DCP2: variants seen among roughly 807,000 people sequenced by gnomAD.
DCP2 encodes the protein decapping mRNA 2.
Under a neutral mutation model 56.1 loss-of-function variants are expected in DCP2, and 30 were observed. The observed-to-expected ratio is 0.53, with a 90% CI of 0.40 to 0.73. The LOEUF is 0.73. Among genes scored for constraint, DCP2 ranks in the 30% least tolerant of loss-of-function variants. The pLI is 0.00. For missense variants in DCP2, 533 were observed against 502.7 expected (o/e 1.06, Z -0.58); for synonymous variants, 197 against 163.3 (o/e 1.21, Z -1.57).
chr5:112,984,116 T>C (rs1580794400), intron 1 of DCP2: 1 of 152,304 alleles, frequency 6.6e-6, no homozygotes, highest in East Asian at 1.9e-4. Context: ...TTGACAGATG[T>C]GTACCAGGTG....
At chr5:113,002,627 C>T (rs183354976) in intron 7 of DCP2, among the ~76,000 whole-genome samples, 21 of 152,134 alleles carry the variant, frequency 1.4e-4, no homozygotes, top group African/African-American at 4.8e-4. Context: ...CTCAAGTAAT[C>T]ATCCCACTTA....
At chr5:112,980,119 G>A (rs1052807771) in intron 1 of DCP2, among the ~76,000 whole-genome samples, 2 of 152,180 alleles carry the variant, frequency 1.3e-5, no homozygotes, top group African/African-American at 4.8e-5. Flanking sequence ...GATGAACCAT[G>A]ATTTTTGATA....
At chr5:112,998,920 A>G (rs1425252325) in intron 4 of DCP2, among the ~76,000 whole-genome samples, 1 of 152,234 alleles carries the variant, frequency 6.6e-6, no homozygotes, top group Non-Finnish European at 1.5e-5. Flanking sequence ...TTTGTTATCT[A>G]ATGGACAGTT....
In DCP2 at chr5:113,016,068, G is replaced by A. The variant is rs1749872910; in HGVS notation, c.*2584G>A. The stretch of plus-strand genomic sequence containing the variant: ...AACCTTATATGTTCCAAGGTGCAGT[G>A]CACTGTGAATCTTTTATTTTTAAAA... On this transcript the variant is annotated 3_prime_UTR_variant, in exon 11 of 11. Coordinates refer to ENST00000389063, the MANE Select transcript of DCP2 (RefSeq NM_152624.6). The A allele has an allele frequency of 1.3e-5, 2 of 152,578 alleles. No individual in the cohort carries two copies. The highest frequency in any genetic ancestry group is 1.3e-4 in the Admixed American group (2 of 15,278). 9.5% of individuals were successfully genotyped at this position (152,578 alleles called of 1,614,324 possible). A position where few individuals can be genotyped will look rare whatever the true frequency, so the allele number is the denominator to read the frequency against.
At position 113,021,522 on chromosome 5, in the gene DCP2, A is replaced by G. The variant is rs778627488; in HGVS notation, c.*8038A>G. Among the ~76,000 whole-genome samples the G allele has an allele frequency of 6.6e-6, 1 of 152,178 alleles. No homozygotes were observed. The highest frequency in any genetic ancestry group is 2.1e-4 in the South Asian group (1 of 4,830). On this transcript the variant is annotated 3_prime_UTR_variant, in exon 11 of 11. Transcript: ENST00000389063. ...GGCTTGAGATGTGAATTCATTAGAT[A>G]TTTAAAATCCAGCAATTCTTAAGTT... is the stretch of plus-strand genomic sequence containing the variant.
In DCP2 at chr5:112,976,990, C is replaced by G. The variant is rs760837547; in HGVS notation, c.53+4C>G. On this transcript the variant is annotated splice_donor_region_variant and intron_variant, in intron 1 of 10. Coordinates refer to ENST00000389063, the MANE Select transcript of DCP2 (RefSeq NM_152624.6). ...GCGTCCTGGACGATCTCTGCAGGTA[C>G]CGCGCTACCCGACCCCCTTTCGCCC... is the stretch of plus-strand genomic sequence containing the variant. 6.5e-7 allele frequency: 1 copy of G among 1,544,946 alleles called. No individual in the cohort carries two copies. The highest frequency in any genetic ancestry group is 8.8e-7 in the Non-Finnish European group (1 of 1,136,916).
chr5:112,980,606 A>T (rs1471291536), intron 1 of DCP2, among the ~76,000 whole-genome samples: 1 of 152,260 alleles, frequency 6.6e-6, no homozygotes, highest in South Asian at 2.1e-4. Flanking sequence ...GATCAAAAGC[A>T]TTCACAGAAT....
intron 1 of DCP2, among the ~76,000 whole-genome samples, chr5:112,983,531 T>G (rs780449052): frequency 3.9e-5 from 6 of 152,180 alleles, no homozygotes; most frequent in Non-Finnish European, 7.4e-5. Context: ...TATAGAAACA[T>G]AAAGACTCAC....
At chr5:113,003,701 G>GA (rs35517643) in intron 7 of DCP2, among the ~76,000 whole-genome samples, 2 of 151,656 alleles carry the variant, frequency 1.3e-5, no homozygotes, top group Admixed American at 6.6e-5. Context: ...AGTCTAGGAT[G>GA]AAAAAAAATA....
In DCP2 at chr5:113,013,307, T is replaced by G; in HGVS notation, c.1100-14T>G. 6.3e-7 allele frequency: 1 copy of G among 1,596,450 alleles called. No homozygotes were observed. Among genetic ancestry groups the G allele is most frequent in the Non-Finnish European group, 8.5e-7 (1 of 1,170,896 alleles). On this transcript the variant is annotated splice_polypyrimidine_tract_variant and intron_variant, in intron 10 of 10. Coordinates refer to ENST00000389063, the MANE Select transcript of DCP2 (RefSeq NM_152624.6). ...GGTTACTGAGCTTATTTATTTTGTT[T>G]TTTCTTTAAACAGATGCTGTATATG...
At chr5:113,007,834 T>A in intron 8 of DCP2, 104 bp from the exon 9 acceptor site, 1 of 963,270 alleles carries the variant, frequency 1.0e-6, no homozygotes, top group Non-Finnish European at 1.5e-6. Flanking sequence ...GGAGAAGCTT[T>A]GCTAAAAACT....
chr5:112,982,632 G>A (rs926803341), intron 1 of DCP2, among the ~76,000 whole-genome samples: 3 of 152,042 alleles, frequency 2.0e-5, no homozygotes, highest in South Asian at 2.1e-4. Flanking sequence ...CACTGCTTCC[G>A]TTGGTTATAG....
Position 113,010,517 on chromosome 5 carries a change from A to G in DCP2, c.1048-239A>G, listed in dbSNP as rs984035467. Among the ~76,000 whole-genome samples the G allele has an allele frequency of 4.6e-5, 7 of 152,150 alleles. No individual in the cohort carries two copies. The East Asian group carries it at 5.8e-4, about 13-fold the overall frequency. On this transcript the variant is annotated intron_variant, in intron 9 of 10. Transcript: ENST00000389063. Reference sequence around the variant, plus strand: ...CACCACACCTAGCCAATACTTGTCTATTTTTTTGATGTCTTTATAATGTGT... The same window carrying G: ...CACCACACCTAGCCAATACTTGTCTGTTTTTTTGATGTCTTTATAATGTGT...
At position 113,015,511 on chromosome 5, in the gene DCP2, A is replaced by C. The variant is rs1002607177; in HGVS notation, c.*2027A>C. ...TGTTGAGCCTTTTCAAGAACCAACAAATTATCTTTGTGATTACAGTAGTTT... is the reference window on the plus strand; with the variant it reads ...TGTTGAGCCTTTTCAAGAACCAACACATTATCTTTGTGATTACAGTAGTTT... On this transcript the variant is annotated 3_prime_UTR_variant, in exon 11 of 11. Coordinates refer to ENST00000389063, the MANE Select transcript of DCP2 (RefSeq NM_152624.6). 1 of 152,634 alleles carries C rather than the reference A, an allele frequency of 6.6e-6. No homozygotes were observed. The highest frequency in any genetic ancestry group is 1.5e-5 in the Non-Finnish European group (1 of 68,032). 9.5% of individuals were successfully genotyped at this position (152,634 alleles called of 1,614,324 possible).
chr5:113,011,849 C>T (rs1191566633), intron 10 of DCP2, among the ~76,000 whole-genome samples: 7 of 152,084 alleles, frequency 4.6e-5, no homozygotes, highest in African/African-American at 7.2e-5. Context: ...TCGGGTCTTA[C>T]ATTTAAGTCT....
chr5:112,977,047 A>C, intron 1 of DCP2, 61 bp downstream of exon 1: 9 of 1,376,348 alleles, frequency 6.5e-6, no homozygotes, highest in Non-Finnish European at 7.8e-6. Flanking sequence ...GCGGACCCCC[A>C]GAGGCCTCTG....
intron 4 of DCP2, among the ~76,000 whole-genome samples, chr5:112,996,895 C>T (rs932811920): frequency 7.9e-5 from 12 of 152,124 alleles, no homozygotes; most frequent in Non-Finnish European, 1.5e-4. Flanking sequence ...TAGAATTATG[C>T]AACATTTTAT....
intron 4 of DCP2, among the ~76,000 whole-genome samples, chr5:113,000,728 C>T (rs1749137613): frequency 6.6e-6 from 1 of 152,144 alleles, no homozygotes; most frequent in South Asian, 2.1e-4. Flanking sequence ...ACCTTACCTT[C>T]TGTATATAAA....
chr5:112,995,639 C>G (rs1428993807), intron 4 of DCP2, among the ~76,000 whole-genome samples: 1 of 152,170 alleles, frequency 6.6e-6, no homozygotes. Context: ...AAATTCTAAC[C>G]TCTAAACATT....
Sources: gnomAD v4.1 joint callset for allele counts (sites outside exome capture counted in the v4.1 genomes callset) on GRCh38, gnomAD v4.1.1 for gene constraint, MANE v1.5 for transcripts, NCBI Gene and HGNC (gene_info 2026-07-23, HGNC 2026-07-21) for gene names.